The following MTMR10 variants were observed in gnomAD, a reference collection of about 807,000 sequenced individuals.
The protein encoded by MTMR10 is myotubularin related protein 10.
In MTMR10, 56 loss-of-function variants were observed where a neutral mutation model predicts 88.1. The observed-to-expected ratio is 0.64, with a 90% CI of 0.51 to 0.79. MTMR10 has a LOEUF of 0.79. Among genes scored for constraint, MTMR10 ranks in the 30% least tolerant of loss-of-function variants. The pLI, the probability that MTMR10 is intolerant of heterozygous loss-of-function variation, is 0.00. For missense variants in MTMR10, 883 were observed against 924.7 expected, an observed-to-expected ratio of 0.95 and a Z score of 0.58; for synonymous variants, 380 against 340.9, an observed-to-expected ratio of 1.11 and a Z score of -1.26.
downstream of MTMR10, among the ~76,000 whole-genome samples, chr15:30,933,999 G>A (rs551640037): frequency 1.3e-5 from 2 of 151,898 alleles, no homozygotes; most frequent in East Asian, 1.9e-4. Context: ...TGGGCTCCAC[G>A]TTGGCCTCCC....
chr15:30,932,457 C>G, the MTMR10 span, among the ~76,000 whole-genome samples: 1 of 152,068 alleles, frequency 6.6e-6, no homozygotes, highest in Non-Finnish European at 1.5e-5. Flanking sequence ...ATACCAGCAT[C>G]AGAGTGGGAT....
intron 10 of MTMR10, 47 bp from the exon 11 acceptor site, chr15:30,953,678 G>A (rs1052869508): frequency 9.2e-6 from 11 of 1,195,802 alleles, no homozygotes; most frequent in Middle Eastern, 3.9e-4. Context: ...TATTTTATAC[G>A]ATCCCTATCA....
At chr15:30,929,478 A>G in the MTMR10 span, 1 of 1,047,178 alleles carries the variant, frequency 9.5e-7, no homozygotes, top group Non-Finnish European at 1.4e-6. Context: ...CTTTATCAAA[A>G]TACACATGTG....
At chr15:30,944,029 A>C (rs957792399) in intron 14 of MTMR10, 1 of 983,266 alleles carries the variant, frequency 1.0e-6, no homozygotes, top group Non-Finnish European at 1.2e-6. Flanking sequence ...ACCAAAAAAA[A>C]ACCCCCAAGA....
chr15:30,974,269 AAC>A, intron 5 of MTMR10, 43 bp downstream of exon 5: 1 of 1,377,236 alleles, frequency 7.3e-7, no homozygotes, highest in Non-Finnish European at 9.5e-7. Context: ...GAAATCAGTA[AAC>A]ACAGTACAGA....
chr15:30,939,667 T>C lies in MTMR10; in HGVS notation c.*1803A>G. The C allele has an allele frequency of 1.8e-6, 1 of 560,192 alleles. No individual in the cohort carries two copies. Among genetic ancestry groups the C allele is most frequent in the Non-Finnish European group, 2.2e-6 (1 of 463,080 alleles). 34.7% of individuals were successfully genotyped at this position (560,192 alleles called of 1,614,324 possible). On this transcript the variant is annotated 3_prime_UTR_variant, in exon 16 of 16. Coordinates refer to ENST00000435680, the MANE Select transcript of MTMR10 (RefSeq NM_017762.3). ...AATACTACAAGAGTTAAAATAAACGTGAAGGAAGAAAATTACAGAGGGAAA... is the reference window on the plus strand; with the variant it reads ...AATACTACAAGAGTTAAAATAAACGCGAAGGAAGAAAATTACAGAGGGAAA...
At chr15:30,975,128 A>G in intron 3 of MTMR10, 125 bp from the exon 4 acceptor site, 1 of 674,750 alleles carries the variant, frequency 1.5e-6, no homozygotes, top group Non-Finnish European at 2.4e-6. Flanking sequence ...GCTTTTGTCT[A>G]GGTAGCTAGG....
rs1462783227 is a variant in MTMR10 at position 30,940,870 on chromosome 15, C to CAT, written c.*598_*599dup. 9.9e-7 allele frequency: 1 copy of CAT among 1,008,224 alleles called. No homozygotes were observed. The highest frequency in any genetic ancestry group is 1.7e-5 in the African/African-American group (1 of 57,440). The allele number at this position is 1,008,224 out of a possible 1,614,324, so 62.5% of individuals were successfully genotyped here. A position where few individuals can be genotyped will look rare whatever the true frequency, so the allele number is the denominator to read the frequency against. ...AGCAAATGCTTTAAAATTAACAGTG[C>CAT]ATATCATTTTAAAGTTGACCCTATG... On this transcript the variant is annotated 3_prime_UTR_variant, in exon 16 of 16. Coordinates refer to ENST00000435680, the MANE Select transcript of MTMR10 (RefSeq NM_017762.3).
chr15:30,982,409 C>A (rs1221835283), intron 2 of MTMR10, among the ~76,000 whole-genome samples: 1 of 152,008 alleles, frequency 6.6e-6, no homozygotes, highest in African/African-American at 2.4e-5. Context: ...TTTTGTACAA[C>A]TCTTACAAAT....
At chr15:30,943,508 A>AATTTT in intron 14 of MTMR10, 1 of 985,440 alleles carries the variant, frequency 1.0e-6, no homozygotes, top group Non-Finnish European at 1.2e-6. Flanking sequence ...CACTGCCACC[A>AATTTT]ATTTTATAAC....
chr15:30,929,822 TATC>T, the MTMR10 span, among the ~76,000 whole-genome samples: 9 of 78,414 alleles, frequency 1.1e-4, 1 homozygote, highest in Non-Finnish European at 1.5e-4. Flanking sequence ...TAATATATTA[TATC>T]ATATATAATA....
intron 2 of MTMR10, among the ~76,000 whole-genome samples, chr15:30,980,769 T>C (rs2030514140): frequency 6.6e-6 from 1 of 152,124 alleles, no homozygotes; most frequent in Non-Finnish European, 1.5e-5. Flanking sequence ...GGGGACGGCA[T>C]TTCCAAAGGA....
chr15:30,929,738 AT>A, the MTMR10 span, among the ~76,000 whole-genome samples: 1 of 32,152 alleles, frequency 3.1e-5, no homozygotes, highest in African/African-American at 1.9e-4. Context: ...TATATAATAT[AT>A]TATATCATAT....
intron 10 of MTMR10, among the ~76,000 whole-genome samples, chr15:30,954,059 C>T (rs2063287297): frequency 6.6e-6 from 1 of 152,220 alleles, no homozygotes; most frequent in Non-Finnish European, 1.5e-5. Context: ...CTGTGCATGG[C>T]TCACGTGGCC....
At position 30,940,285 on chromosome 15, in the gene MTMR10, T is replaced by C. The variant is rs956920658; in HGVS notation, c.*1185A>G. On this transcript the variant is annotated 3_prime_UTR_variant, in exon 16 of 16. Transcript: ENST00000435680. ...CACACAGTTTGGAAATACTTTACTT[T>C]AGAGAGATTCAGATCAAGCAAACAA... 2 of 960,948 alleles carry C rather than the reference T, an allele frequency of 2.1e-6. No individual in the cohort carries two copies. Among genetic ancestry groups the C allele is most frequent in the African/African-American group, 3.6e-5 (2 of 55,974 alleles). 59.5% of individuals were successfully genotyped at this position (960,948 alleles called of 1,614,324 possible).
rs1299441142 is a variant in MTMR10 at position 30,941,064 on chromosome 15, T to C, written c.*406A>G. On this transcript the variant is annotated 3_prime_UTR_variant, in exon 16 of 16. Transcript: ENST00000435680. ...TACATGAATACTTCCTAAAACCTGC[T>C]GGAGGTTTTATCAGATGCTCCTAAA... The C allele has an allele frequency of 6.7e-6, 8 of 1,199,048 alleles. No individual in the cohort carries two copies. Among genetic ancestry groups the C allele is most frequent in the Non-Finnish European group, 8.4e-6 (8 of 949,544 alleles). The allele number at this position is 1,199,048 out of a possible 1,614,324, so 74.3% of individuals were successfully genotyped here.
At chr15:30,920,478 C>G in the MTMR10 span, 1 of 1,004,424 alleles carries the variant, frequency 1.0e-6, no homozygotes, top group Non-Finnish European at 1.6e-6. Context: ...TGCTTTGTCA[C>G]TTGTTATTAT....
the MTMR10 span, among the ~76,000 whole-genome samples, chr15:30,922,990 G>GAA: frequency 4.8e-4 from 73 of 152,252 alleles, no homozygotes; most frequent in Non-Finnish European, 1.0e-3. Context: ...AGCAACAGTG[G>GAA]TTCTTTGTGT....
intron 2 of MTMR10, among the ~76,000 whole-genome samples, chr15:30,981,323 T>A (rs2030554537): frequency 6.6e-6 from 1 of 152,218 alleles, no homozygotes. Context: ...GGAAAAACAG[T>A]CACTTTCTAG....
Sources: allele counts gnomAD v4.1 joint callset (sites outside exome capture counted in the v4.1 genomes callset), GRCh38; gene constraint gnomAD v4.1.1; transcripts MANE v1.5; gene names NCBI Gene and HGNC (gene_info 2026-07-23, HGNC 2026-07-21).